Variants in OXR1 observed in about 807,000 individuals in gnomAD.
The protein encoded by OXR1 is oxidation resistance 1.
A neutral mutation model predicts 104.6 loss-of-function variants in OXR1; 41 were observed. That is an observed-to-expected ratio of 0.39 (90% CI 0.31 to 0.51). The LOEUF (loss-of-function observed/expected upper bound fraction) is 0.51. Ranked by LOEUF, OXR1 falls within the 20% of genes least tolerant of loss-of-function variation. OXR1 has a pLI of 0.77. For missense variants in OXR1, 955 were observed against 1,031.9 expected (o/e 0.93, Z 1.02); for synonymous variants, 348 against 348.4 (o/e 1.00, Z 0.01).
At chr8:106,738,963 AT>A (rs200466517) in intron 12 of OXR1, among the ~76,000 whole-genome samples, 6 of 151,350 alleles carry the variant, frequency 4.0e-5, no homozygotes, top group Admixed American at 1.3e-4. Flanking sequence ...GAAAATAGTT[AT>A]TTTTTTTTAT....
At chr8:106,690,202 CTT>C (rs757260557) in intron 6 of OXR1, among the ~76,000 whole-genome samples, 15 of 150,128 alleles carry the variant, frequency 1.0e-4, no homozygotes, top group African/African-American at 2.4e-4. Context: ...TGATATATAA[CTT>C]ATATATTAAA....
At chr8:106,474,914 T>C (rs537295863) in intron 2 of OXR1, among the ~76,000 whole-genome samples, 1 of 152,122 alleles carries the variant, frequency 6.6e-6, no homozygotes, top group South Asian at 2.1e-4. Flanking sequence ...ACATAGATTC[T>C]GGAACCCAAA....
chr8:106,519,866 A>G (rs1176068467), intron 3 of OXR1, among the ~76,000 whole-genome samples: 2 of 152,218 alleles, frequency 1.3e-5, no homozygotes, highest in Non-Finnish European at 2.9e-5. Flanking sequence ...TACCAACTTT[A>G]GTGTACCATA....
In OXR1 at chr8:106,644,680, C is replaced by T. The variant is rs575246516; in HGVS notation, c.221-34530C>T. Among the ~76,000 whole-genome samples the T allele has an allele frequency of 1.3e-4, 20 of 152,182 alleles. 1 individual carries two copies. The highest frequency in any genetic ancestry group is 8.5e-4 in the Admixed American group (13 of 15,278). ...CTGGCAGTTTTAAACAGCGCCTGTT[C>T]TTTGCACACGTATGTGAAACACATA... On this transcript the variant is annotated intron_variant, in intron 3 of 16. Coordinates refer to ENST00000517566, the MANE Select transcript of OXR1 (RefSeq NM_001198533.2).
At chr8:106,297,693 G>A (rs1813057834) in intron 1 of OXR1, among the ~76,000 whole-genome samples, 1 of 152,166 alleles carries the variant, frequency 6.6e-6, no homozygotes, top group African/African-American at 2.4e-5. Context: ...ATGTATGACT[G>A]TACCTGCTGT....
chr8:106,605,187 G>T (rs960006767), intron 3 of OXR1: 2 of 152,140 alleles, frequency 1.3e-5, no homozygotes, highest in African/African-American at 4.8e-5. Flanking sequence ...AGAAGAGTTT[G>T]CTGTATAATT....
At chr8:106,420,362 A>T (rs909490954) in intron 2 of OXR1, among the ~76,000 whole-genome samples, 4 of 151,922 alleles carry the variant, frequency 2.6e-5, no homozygotes, top group Non-Finnish European at 5.9e-5. Context: ...AGAAATAAAT[A>T]TATTATTCTT....
chr8:106,356,626 G>C (rs1490827684), intron 1 of OXR1, among the ~76,000 whole-genome samples: 1 of 151,880 alleles, frequency 6.6e-6, no homozygotes, highest in Non-Finnish European at 1.5e-5. Flanking sequence ...AAAGGACTTA[G>C]GGGGATTTTA....
chr8:106,472,017 C>A (rs1821517429), intron 2 of OXR1, among the ~76,000 whole-genome samples: 1 of 151,918 alleles, frequency 6.6e-6, no homozygotes. Context: ...TTTTCCACTA[C>A]TGTCTTTTGT....
chr8:106,441,702 A>C (rs750149563), intron 2 of OXR1, among the ~76,000 whole-genome samples: 1 of 152,126 alleles, frequency 6.6e-6, no homozygotes, highest in African/African-American at 2.4e-5. Flanking sequence ...TTCATTCATG[A>C]TTTGGCTCTC....
intron 9 of OXR1, among the ~76,000 whole-genome samples, chr8:106,708,981 G>A (rs2131385983): frequency 6.6e-6 from 1 of 150,740 alleles, no homozygotes; most frequent in East Asian, 1.9e-4. Context: ...GCTGTGTTCA[G>A]TAGATATTAA....
rs148985418 is a variant in OXR1 at position 106,390,050 on chromosome 8, G to T, written c.23+30414G>T. On this transcript the variant is annotated intron_variant, in intron 2 of 16. Coordinates refer to ENST00000517566, the MANE Select transcript of OXR1 (RefSeq NM_001198533.2). ...CACTGCACTCCAGCCAGGGTGACAG[G>T]GCAGGACTCTGTCTCAAAAAAAAAT... 8.5e-3 allele frequency among the ~76,000 whole-genome samples: 1,295 copies of T among 151,938 alleles called. 14 individuals are homozygous for T. Among genetic ancestry groups the T allele is most frequent in the African/African-American group, 0.029 (1,190 of 41,420 alleles).
At chr8:106,679,491 T>A (rs1827935692) in intron 4 of OXR1, among the ~76,000 whole-genome samples, 199 bp downstream of exon 4, 1 of 152,014 alleles carries the variant, frequency 6.6e-6, no homozygotes, top group African/African-American at 2.4e-5. Context: ...ATAAAGGTAG[T>A]TATCCTAGAA....
At position 106,683,256 on chromosome 8, in the gene OXR1, G is replaced by A. The variant is rs140427774; in HGVS notation, c.361G>A (p.Glu121Lys). ...IALKFDTTPNELVQLNKLFSR... is the reference protein window; with the variant it reads ...IALKFDTTPNKLVQLNKLFSR... ...CCTGAAGTTTGATACAACACCTAAC[G>A]AACTTGTTCAATTAAATAAGTTATT... is the stretch of plus-strand genomic sequence containing the variant. The change falls in exon 5 of 17, where the codon GAA becomes AAA. Residue 121 changes from glutamate to lysine, a missense_variant. By Grantham distance (56) the Glu-to-Lys change is moderately conservative (BLOSUM62 1). Transcript: ENST00000517566. 2.2e-5 allele frequency: 35 copies of A among 1,606,364 alleles called. No individual in the cohort carries two copies. Among genetic ancestry groups the A allele is most frequent in the South Asian group, 1.5e-4 (14 of 90,684 alleles).
chr8:106,707,937 T>A (rs1183632813), intron 9 of OXR1, among the ~76,000 whole-genome samples: 1 of 152,196 alleles, frequency 6.6e-6, no homozygotes, highest in Non-Finnish European at 1.5e-5. Context: ...ACCATTTAAC[T>A]TTTTAAAATT....
intron 3 of OXR1, among the ~76,000 whole-genome samples, chr8:106,642,946 T>C (rs189354240): frequency 1.3e-5 from 2 of 152,292 alleles, no homozygotes; most frequent in African/African-American, 4.8e-5. Flanking sequence ...ATGGTAGCAT[T>C]TAGTGGATTC....
intron 12 of OXR1, among the ~76,000 whole-genome samples, chr8:106,738,000 G>A (rs918335273): frequency 6.6e-6 from 1 of 152,076 alleles, no homozygotes; most frequent in Admixed American, 6.6e-5. Flanking sequence ...TTTATTTAAG[G>A]CTATTTCATT....
At chr8:106,427,078 C>G (rs917892070) in intron 2 of OXR1, among the ~76,000 whole-genome samples, 5 of 152,154 alleles carry the variant, frequency 3.3e-5, no homozygotes, top group African/African-American at 1.2e-4. Flanking sequence ...CAATCAAAGA[C>G]TGCAGGGCAA....
At chr8:106,291,282 C>A (rs1812739942) in intron 1 of OXR1, among the ~76,000 whole-genome samples, 1 of 152,044 alleles carries the variant, frequency 6.6e-6, no homozygotes, top group Non-Finnish European at 1.5e-5. Context: ...CTGTAGACTA[C>A]TAGAGGGGGA....
Sources: allele counts gnomAD v4.1 joint callset (sites outside exome capture counted in the v4.1 genomes callset), GRCh38; gene constraint gnomAD v4.1.1; transcripts MANE v1.5; gene names NCBI Gene and HGNC (gene_info 2026-07-23, HGNC 2026-07-21).